USH2A: variants seen among roughly 807,000 people sequenced by gnomAD.
The protein encoded by USH2A is usherin.
USH2A carries 443 observed loss-of-function variants against 538.9 expected under a neutral mutation model. That is an observed-to-expected ratio of 0.82 (90% CI 0.76 to 0.89). The LOEUF (loss-of-function observed/expected upper bound fraction) is 0.89, where lower values mean the gene tolerates loss of function less well. USH2A is among the 40% of genes least tolerant of loss of function. The pLI is 0.00. For missense variants in USH2A, 6,633 were observed against 6,324.8 expected (o/e 1.05, Z -1.65); for synonymous variants, 2,413 against 2,273.5 (o/e 1.06, Z -1.75).
At chr1:215,705,739 C>T (rs2886198) in intron 61 of USH2A, among the ~76,000 whole-genome samples, 24,791 of 152,122 alleles carry the variant, frequency 0.16, 2,206 homozygotes, top group East Asian at 0.31. Flanking sequence ...CAAAACACTG[C>T]CACCCTGACT....
At chr1:215,879,343 A>T (rs1317821059) in intron 41 of USH2A, among the ~76,000 whole-genome samples, 2 of 152,216 alleles carry the variant, frequency 1.3e-5, no homozygotes, top group Non-Finnish European at 2.9e-5. Flanking sequence ...CGACTGTCAG[A>T]CTGATACACA....
At chr1:216,274,447 C>G (rs1280573101) in intron 11 of USH2A, among the ~76,000 whole-genome samples, 1 of 151,966 alleles carries the variant, frequency 6.6e-6, no homozygotes, top group African/African-American at 2.4e-5. Context: ...CCTTCTCAGC[C>G]CTAAGATGTG....
chr1:216,350,197 A>G (rs1233818963), intron 4 of USH2A, among the ~76,000 whole-genome samples: 2 of 152,028 alleles, frequency 1.3e-5, no homozygotes, highest in African/African-American at 2.4e-5. Flanking sequence ...CCAGAATCCA[A>G]TCATCTCCCA....
At chr1:216,276,587 T>C (rs992952052) in intron 11 of USH2A, among the ~76,000 whole-genome samples, 1 of 152,090 alleles carries the variant, frequency 6.6e-6, no homozygotes, top group African/African-American at 2.4e-5. Flanking sequence ...AGTGTACTCG[T>C]CTGTTTTCAC....
At chr1:215,659,153 G>C (rs992850717) in intron 64 of USH2A, among the ~76,000 whole-genome samples, 1 of 152,212 alleles carries the variant, frequency 6.6e-6, no homozygotes, top group Non-Finnish European at 1.5e-5. Context: ...TGATGAGATT[G>C]TAGGGTGATA....
intron 38 of USH2A, among the ~76,000 whole-genome samples, chr1:215,920,859 C>T (rs562439734): frequency 6.6e-6 from 1 of 152,134 alleles, no homozygotes; most frequent in East Asian, 1.9e-4. Context: ...TTCCTGCTTT[C>T]TTATGGCCCA....
chr1:216,277,564 C>A (rs2036694710), intron 11 of USH2A, among the ~76,000 whole-genome samples: 1 of 152,098 alleles, frequency 6.6e-6, no homozygotes, highest in Admixed American at 6.6e-5. Flanking sequence ...GAGAATGCCC[C>A]TTTCGCTCTT....
chr1:216,387,632 G>C (rs1282641652), intron 3 of USH2A, among the ~76,000 whole-genome samples: 1 of 152,036 alleles, frequency 6.6e-6, no homozygotes, highest in Non-Finnish European at 1.5e-5. Context: ...GGTATATATC[G>C]GCGGTGTAGT....
At chr1:216,079,337 G>C (rs2031854866) in intron 26 of USH2A, 1 of 152,164 alleles carries the variant, frequency 6.6e-6, no homozygotes, top group Non-Finnish European at 1.5e-5. Flanking sequence ...AAACATGTGG[G>C]AGCAATACAA....
chr1:215,677,738 C>T (rs1241286535), intron 62 of USH2A, among the ~76,000 whole-genome samples: 2 of 152,220 alleles, frequency 1.3e-5, no homozygotes, highest in Non-Finnish European at 2.9e-5. Flanking sequence ...TTGACCCCCA[C>T]ATTTATGCCT....
At chr1:215,956,976 C>T (rs1049395045) in intron 37 of USH2A, among the ~76,000 whole-genome samples, 2 of 152,162 alleles carry the variant, frequency 1.3e-5, no homozygotes, top group African/African-American at 4.8e-5. Flanking sequence ...CTTATTATTG[C>T]CCGTTTATAT....
intron 60 of USH2A, among the ~76,000 whole-genome samples, chr1:215,738,269 C>T (rs1393600373): frequency 3.9e-5 from 6 of 152,148 alleles, no homozygotes; most frequent in Admixed American, 3.9e-4. Flanking sequence ...AAGCAGATGT[C>T]CAAGACAGTC....
intron 12 of USH2A, among the ~76,000 whole-genome samples, 188 bp from the exon 13 acceptor site, chr1:216,247,414 C>T (rs572386050): frequency 2.6e-4 from 40 of 152,264 alleles, no homozygotes; most frequent in African/African-American, 9.4e-4. Context: ...CTTTAATATA[C>T]AACTGTTTGC....
Position 216,412,190 on chromosome 1 carries a change from G to A in USH2A, c.651+6324C>T, listed in dbSNP as rs139554816. 2.9e-3 allele frequency among the ~76,000 whole-genome samples: 437 copies of A among 152,176 alleles called. 2 individuals carry two copies. The highest frequency in any genetic ancestry group is 9.7e-3 in the African/African-American group (404 of 41,536). ...TGTAATGGGTATCCTAACATTTTGA[G>A]GAGTTACATAGTTTTCCCAGGGTTG... On this transcript the variant is annotated intron_variant, in intron 3 of 71. Coordinates refer to ENST00000307340, the MANE Select transcript of USH2A (RefSeq NM_206933.4).
At chr1:215,996,445 C>T (rs1208697461) in intron 34 of USH2A, among the ~76,000 whole-genome samples, 4 of 151,682 alleles carry the variant, frequency 2.6e-5, no homozygotes, top group Non-Finnish European at 5.9e-5. Flanking sequence ...GTCTTGATAG[C>T]TGTCTGTATT....
intron 27 of USH2A, among the ~76,000 whole-genome samples, chr1:216,075,930 C>A: frequency 6.7e-6 from 1 of 150,270 alleles, no homozygotes; most frequent in East Asian, 2.0e-4. Flanking sequence ...AATTAAGAAG[C>A]AGAGAAAAGG....
At chr1:215,955,213 T>C (rs1667032159) in intron 37 of USH2A, among the ~76,000 whole-genome samples, 2 of 152,210 alleles carry the variant, frequency 1.3e-5, no homozygotes, top group African/African-American at 2.4e-5. Flanking sequence ...TTGCCAGATA[T>C]TTAAGTACTT....
At chr1:216,097,247 T>A (rs2032462710) in intron 21 of USH2A, 34 bp from the exon 22 acceptor site, 1 of 1,613,784 alleles carries the variant, frequency 6.2e-7, no homozygotes, top group African/African-American at 1.3e-5. Flanking sequence ...AAATCAGTGC[T>A]GGGGTTTTGT....
At chr1:216,152,933 A>G (rs1481577792) in intron 21 of USH2A, among the ~76,000 whole-genome samples, 1 of 152,234 alleles carries the variant, frequency 6.6e-6, no homozygotes, top group East Asian at 1.9e-4. Context: ...GCAGAGGAAC[A>G]GGAGAATAGC....
Sources: allele counts gnomAD v4.1 joint callset (sites outside exome capture counted in the v4.1 genomes callset), GRCh38; gene constraint gnomAD v4.1.1; transcripts MANE v1.5; gene names NCBI Gene and HGNC (gene_info 2026-07-23, HGNC 2026-07-21).